Variants in CNTN5 observed in about 807,000 individuals in gnomAD.
CNTN5 encodes contactin 5.
Under a neutral mutation model 129.1 loss-of-function variants are expected in CNTN5, and 77 were observed. The ratio of observed to expected loss-of-function variants is 0.60; its 90% confidence interval spans 0.50 to 0.72. The LOEUF is 0.72. Ranked by LOEUF, CNTN5 falls within the 30% of genes least tolerant of loss-of-function variation. The pLI is 0.00. For synonymous variants in CNTN5, 509 were observed against 465.6 expected (o/e 1.09, Z -1.20); for missense variants, 1,478 against 1,328.8 (o/e 1.11, Z -1.75).
At chr11:99,729,231 G>A (rs1943448219) in intron 3 of CNTN5, among the ~76,000 whole-genome samples, 1 of 152,088 alleles carries the variant, frequency 6.6e-6, no homozygotes, top group Non-Finnish European at 1.5e-5. Flanking sequence ...TGGGTGATGG[G>A]GGTGCCTTCA....
Position 99,742,568 on chromosome 11 carries a change from T to C in CNTN5, c.56-76976T>C, listed in dbSNP as rs143478833. On this transcript the variant is annotated intron_variant, in intron 3 of 24. Coordinates refer to ENST00000524871, the MANE Select transcript of CNTN5 (RefSeq NM_014361.4). ...GGCTTTTTCTAGCTCTAAAACACTTTAATTCTGTCATTTATAGCTTTGTTT... is the reference window on the plus strand; with the variant it reads ...GGCTTTTTCTAGCTCTAAAACACTTCAATTCTGTCATTTATAGCTTTGTTT... Among the ~76,000 whole-genome samples the C allele has an allele frequency of 2.0e-3, 307 of 152,286 alleles. 3 individuals carry two copies. The highest frequency in any genetic ancestry group is 7.2e-3 in the African/African-American group (299 of 41,580).
chr11:99,989,891 G>A (rs1307207484), intron 8 of CNTN5, among the ~76,000 whole-genome samples: 4 of 151,890 alleles, frequency 2.6e-5, no homozygotes, highest in Non-Finnish European at 2.9e-5. Flanking sequence ...TCAGCCTCCC[G>A]AGTAGCTGGG....
chr11:99,891,159 A>G (rs1040458499), intron 6 of CNTN5, among the ~76,000 whole-genome samples: 3 of 152,202 alleles, frequency 2.0e-5, no homozygotes, highest in African/African-American at 4.8e-5. Flanking sequence ...TAATAACAAT[A>G]TATAAAATTG....
intron 1 of CNTN5, among the ~76,000 whole-genome samples, chr11:99,210,780 T>C (rs1263379661): frequency 6.6e-6 from 1 of 152,188 alleles, no homozygotes; most frequent in Admixed American, 6.5e-5. Context: ...CTTGGACAGC[T>C]TTTGTTTTGC....
chr11:99,075,956 A>G (rs1865549318), intron 1 of CNTN5, among the ~76,000 whole-genome samples: 1 of 152,224 alleles, frequency 6.6e-6, no homozygotes, highest in Admixed American at 6.5e-5. Context: ...AAATTAAGTA[A>G]CATGTCTTTT....
chr11:99,085,318 T>TA (rs1455225785), intron 1 of CNTN5, among the ~76,000 whole-genome samples: 1 of 152,194 alleles, frequency 6.6e-6, no homozygotes, highest in Non-Finnish European at 1.5e-5. Context: ...GTGCTGGGAT[T>TA]ACAGGTGTGA....
chr11:99,718,967 C>A (rs566077834), intron 3 of CNTN5, among the ~76,000 whole-genome samples: 11 of 151,884 alleles, frequency 7.2e-5, no homozygotes, highest in South Asian at 2.1e-4. Flanking sequence ...CTTTTATATT[C>A]AAGATAAAGA....
At chr11:99,464,180 C>T (rs183120406) in intron 2 of CNTN5, among the ~76,000 whole-genome samples, 1 of 152,262 alleles carries the variant, frequency 6.6e-6, no homozygotes. Context: ...TAGTGATTTC[C>T]ATATTCAGCA....
intron 6 of CNTN5, among the ~76,000 whole-genome samples, chr11:99,857,638 C>T (rs926647947): frequency 3.9e-5 from 6 of 151,958 alleles, no homozygotes; most frequent in African/African-American, 1.4e-4. Context: ...AATATTTGTA[C>T]TCATAATTTT....
intron 8 of CNTN5, among the ~76,000 whole-genome samples, chr11:99,995,891 C>G (rs1035338): frequency 6.6e-6 from 1 of 151,984 alleles, no homozygotes; most frequent in Non-Finnish European, 1.5e-5. Flanking sequence ...TCCAGTCTCA[C>G]TGCTTCATCT....
chr11:100,070,584 G>A, intron 11 of CNTN5, 24 bp downstream of exon 11: 1 of 1,610,936 alleles, frequency 6.2e-7, no homozygotes, highest in Non-Finnish European at 8.5e-7. Context: ...TTATTAACCT[G>A]TTCTGCTGTA....
chr11:100,324,022 CATTAA>C (rs1951745061), intron 21 of CNTN5, among the ~76,000 whole-genome samples: 1 of 152,044 alleles, frequency 6.6e-6, no homozygotes, highest in Non-Finnish European at 1.5e-5. Flanking sequence ...TTTGTTCTTT[CATTAA>C]ATTAAGATAT....
chr11:99,408,327 G>A (rs1177496660), intron 2 of CNTN5, among the ~76,000 whole-genome samples: 1 of 147,468 alleles, frequency 6.8e-6, no homozygotes, highest in Non-Finnish European at 1.5e-5. Flanking sequence ...AGCCTTCTGA[G>A]TGGCTAGGAC....
intron 7 of CNTN5, among the ~76,000 whole-genome samples, chr11:99,940,164 T>TC (rs1950403823): frequency 1.3e-5 from 2 of 152,122 alleles, no homozygotes; most frequent in Admixed American, 1.3e-4. Flanking sequence ...CAGAGGACAG[T>TC]CTCTCATGAC....
At chr11:99,184,514 T>G (rs573068728) in intron 1 of CNTN5, among the ~76,000 whole-genome samples, 20 of 152,218 alleles carry the variant, frequency 1.3e-4, no homozygotes, top group Non-Finnish European at 2.8e-4. Flanking sequence ...ATATAAAATC[T>G]TTTCTCTTAT....
At chr11:99,386,349 G>A (rs1404456431) in intron 2 of CNTN5, among the ~76,000 whole-genome samples, 1 of 152,244 alleles carries the variant, frequency 6.6e-6, no homozygotes, top group African/African-American at 2.4e-5. Context: ...GGACAGAGCA[G>A]CCCGAGGGCT....
At chr11:99,785,753 C>A (rs572116991) in intron 3 of CNTN5, among the ~76,000 whole-genome samples, 1 of 152,190 alleles carries the variant, frequency 6.6e-6, no homozygotes, top group South Asian at 2.1e-4. Context: ...ATGACAGAAA[C>A]CGCCTGATTT....
chr11:99,835,165 C>T (rs1327141844), intron 4 of CNTN5, among the ~76,000 whole-genome samples: 1 of 152,210 alleles, frequency 6.6e-6, no homozygotes. Context: ...AGTACCATCA[C>T]TACCTAAAAT....
At chr11:100,183,119 G>A (rs1053223264) in intron 13 of CNTN5, among the ~76,000 whole-genome samples, 3 of 152,120 alleles carry the variant, frequency 2.0e-5, no homozygotes, top group African/African-American at 7.2e-5. Context: ...CATACGAAGT[G>A]CTGCAAGAGC....
Sources: allele counts gnomAD v4.1 joint callset (sites outside exome capture counted in the v4.1 genomes callset), GRCh38; gene constraint gnomAD v4.1.1; transcripts MANE v1.5; gene names NCBI Gene and HGNC (gene_info 2026-07-23, HGNC 2026-07-21).